Variants in TRAPPC9 observed in about 807,000 individuals in gnomAD.
The protein encoded by TRAPPC9 is trafficking protein particle complex subunit 9, also known as IKK2 binding protein.
In TRAPPC9, 83 loss-of-function variants were observed where a neutral mutation model predicts 124.0. The ratio of observed to expected loss-of-function variants is 0.67; its 90% CI spans 0.56 to 0.80. The LOEUF is 0.80. Among genes scored for constraint, TRAPPC9 ranks in the 30% least tolerant of loss-of-function variants. TRAPPC9 has a pLI of 0.00. For synonymous variants in TRAPPC9, 638 were observed against 617.5 expected, an observed-to-expected ratio of 1.03 and a Z score of -0.49; for missense variants, 1,302 against 1,508.3, an observed-to-expected ratio of 0.86 and a Z score of 2.27.
At chr8:140,205,502 G>C (rs1167941585) in intron 17 of TRAPPC9, among the ~76,000 whole-genome samples, 1 of 152,192 alleles carries the variant, frequency 6.6e-6, no homozygotes, top group East Asian at 1.9e-4. Flanking sequence ...TTAAGATTAA[G>C]AACTTTAACT....
chr8:140,099,887 C>T (rs2060541811), intron 17 of TRAPPC9: 1 of 151,720 alleles, frequency 6.6e-6, no homozygotes, highest in South Asian at 2.1e-4. Context: ...GCAGGAGTGC[C>T]ACAATCCTCA....
chr8:139,740,890 C>T (rs746590262), intron 21 of TRAPPC9, among the ~76,000 whole-genome samples: 10 of 152,336 alleles, frequency 6.6e-5, no homozygotes, highest in South Asian at 4.1e-4. Flanking sequence ...CTGCCAAACA[C>T]TGCTTCCACT....
chr8:140,194,034 C>G (rs1218202459), intron 17 of TRAPPC9, among the ~76,000 whole-genome samples: 1 of 152,184 alleles, frequency 6.6e-6, no homozygotes, highest in East Asian at 1.9e-4. Context: ...AATTCTAATC[C>G]CGGTTTTAAT....
intron 5 of TRAPPC9, among the ~76,000 whole-genome samples, chr8:140,424,105 C>T (rs1241132773): frequency 6.6e-6 from 1 of 151,782 alleles, no homozygotes; most frequent in Non-Finnish European, 1.5e-5. Flanking sequence ...GGATTTTACC[C>T]TTTAAATAGG....
At chr8:140,120,038 T>C (rs2060955756) in intron 17 of TRAPPC9, among the ~76,000 whole-genome samples, 2 of 152,200 alleles carry the variant, frequency 1.3e-5, no homozygotes, top group African/African-American at 4.8e-5. Flanking sequence ...AGAAAGTGAA[T>C]GAAGATAAAC....
intron 16 of TRAPPC9, among the ~76,000 whole-genome samples, chr8:140,247,615 G>T (rs1371931952): frequency 6.6e-6 from 1 of 151,508 alleles, no homozygotes; most frequent in Non-Finnish European, 1.5e-5. Flanking sequence ...TTAACATGTT[G>T]TGGTTCCATT....
chr8:139,991,276 G>A (rs1206977020), intron 18 of TRAPPC9, among the ~76,000 whole-genome samples: 1 of 152,196 alleles, frequency 6.6e-6, no homozygotes, highest in Non-Finnish European at 1.5e-5. Flanking sequence ...TTACGAAATG[G>A]CACAGGAATG....
At chr8:139,955,811 T>C (rs1424959605) in intron 19 of TRAPPC9, among the ~76,000 whole-genome samples, 10 of 152,086 alleles carry the variant, frequency 6.6e-5, no homozygotes, top group Admixed American at 5.9e-4. Flanking sequence ...CGTCGAGGAA[T>C]CCTCAAATAG....
intron 21 of TRAPPC9, among the ~76,000 whole-genome samples, chr8:139,839,526 T>C (rs1586959439): frequency 1.3e-5 from 2 of 151,600 alleles, no homozygotes; most frequent in Non-Finnish European, 2.9e-5. Flanking sequence ...CTCAGGGGAG[T>C]AGACAGTAGG....
chr8:140,288,333 C>G (rs1014711180), intron 12 of TRAPPC9, among the ~76,000 whole-genome samples: 3 of 152,210 alleles, frequency 2.0e-5, no homozygotes, highest in Non-Finnish European at 4.4e-5. Flanking sequence ...GAGACCCTAT[C>G]TCAATCAATC....
chr8:140,439,898 T>C (rs2070947703), intron 2 of TRAPPC9, among the ~76,000 whole-genome samples: 1 of 152,152 alleles, frequency 6.6e-6, no homozygotes, highest in South Asian at 2.1e-4. Context: ...TGGATTAAAC[T>C]TTCCCTCATC....
At chr8:140,396,655 G>A (rs2069106194) in intron 7 of TRAPPC9, among the ~76,000 whole-genome samples, 1 of 151,536 alleles carries the variant, frequency 6.6e-6, no homozygotes, top group Non-Finnish European at 1.5e-5. Context: ...CTGTTTCTGG[G>A]CATCACTCAT....
chr8:140,074,530 G>T (rs1843381105), intron 17 of TRAPPC9, among the ~76,000 whole-genome samples: 1 of 152,204 alleles, frequency 6.6e-6, no homozygotes. Context: ...AGATGGCAGG[G>T]TGGGAAGGAT....
chr8:139,804,563 C>T (rs1184827186), intron 21 of TRAPPC9, among the ~76,000 whole-genome samples: 7 of 132,632 alleles, frequency 5.3e-5, no homozygotes, highest in African/African-American at 2.0e-4. Flanking sequence ...CCACCAAGCA[C>T]CACCGCCACC....
chr8:139,859,445 G>A (rs553871231), intron 21 of TRAPPC9, among the ~76,000 whole-genome samples: 1 of 152,254 alleles, frequency 6.6e-6, no homozygotes, highest in African/African-American at 2.4e-5. Flanking sequence ...TAAAGTTCAC[G>A]CTTCCAGAAA....
At position 140,005,836 on chromosome 8, in the gene TRAPPC9, C is replaced by T. The variant is rs1357231152; in HGVS notation, c.2700-17000G>A. Among the ~76,000 whole-genome samples the T allele has an allele frequency of 4.6e-5, 7 of 150,744 alleles. No homozygotes were observed. In the South Asian group the frequency reaches 1.5e-3, roughly 32 times the overall value. ...CTGAGGCAGGAGAATCTCTTCAGCC[C>T]AGGAGGTTGAGGCTGCAGTGAGCCA... is the stretch of plus-strand genomic sequence containing the variant. On this transcript the variant is annotated intron_variant, in intron 18 of 22. Coordinates refer to ENST00000438773, the MANE Select transcript of TRAPPC9 (RefSeq NM_001160372.4).
At chr8:139,885,313 C>T (rs1295910999) in intron 21 of TRAPPC9, among the ~76,000 whole-genome samples, 3 of 152,136 alleles carry the variant, frequency 2.0e-5, no homozygotes, top group Non-Finnish European at 4.4e-5. Context: ...ATAAACTGTG[C>T]TAAGTGTCCA....
At chr8:139,743,851 C>T (rs1277925015) in intron 21 of TRAPPC9, among the ~76,000 whole-genome samples, 7 of 152,216 alleles carry the variant, frequency 4.6e-5, no homozygotes, top group African/African-American at 1.7e-4. Flanking sequence ...GCTAGCTACT[C>T]AATGCCCCCC....
intron 17 of TRAPPC9, among the ~76,000 whole-genome samples, chr8:140,152,150 C>T (rs1388541853): frequency 6.6e-6 from 1 of 150,570 alleles, no homozygotes; most frequent in Non-Finnish European, 1.5e-5. Flanking sequence ...AGAAAAAAGC[C>T]TCGGACAGCA....
Sources: gnomAD v4.1 joint callset for allele counts (sites outside exome capture counted in the v4.1 genomes callset) on GRCh38, gnomAD v4.1.1 for gene constraint, MANE v1.5 for transcripts, NCBI Gene and HGNC (gene_info 2026-07-23, HGNC 2026-07-21) for gene names.